CEP41: variants seen among roughly 807,000 people sequenced by gnomAD.
CEP41 encodes centrosomal protein 41.
A neutral mutation model predicts 44.3 loss-of-function variants in CEP41; 32 were observed. That is an observed-to-expected ratio of 0.72 (90% CI 0.54 to 0.97). The LOEUF is 0.97. CEP41 is among the 50% of genes least tolerant of loss of function. The pLI is 0.00. For synonymous variants in CEP41, 151 were observed against 168.5 expected (o/e 0.90, Z 0.80); for missense variants, 432 against 455.2 (o/e 0.95, Z 0.46).
chr7:130,402,940 G>A lies in CEP41; in HGVS notation c.423-141C>T, dbSNP rs1333995748. 4 of 875,262 alleles carry A rather than the reference G, an allele frequency of 4.6e-6. No homozygotes were observed. The African/African-American group carries it at 6.6e-5, about 14-fold the overall frequency. The allele number at this position is 875,262 out of a possible 1,614,324, so 54.2% of individuals were successfully genotyped here. ...AAAGGCAAAGGAAAATGGACGTGGT[G>A]TCTCAGTTCTGCCTCTGAATGCAGG... On this transcript the variant is annotated intron_variant, in intron 6 of 10. Coordinates refer to ENST00000223208, the MANE Select transcript of CEP41 (RefSeq NM_018718.3).
intron 8 of CEP41, chr7:130,401,321 TC>T (rs1796836656): frequency 5.8e-6 from 1 of 172,290 alleles, no homozygotes; most frequent in Admixed American, 5.5e-5. Context: ...GGGAAATACA[TC>T]GGGATATGAA....
At chr7:130,404,295 T>G (rs1313258698) in intron 6 of CEP41, among the ~76,000 whole-genome samples, 1 of 152,066 alleles carries the variant, frequency 6.6e-6, no homozygotes, top group Non-Finnish European at 1.5e-5. Context: ...CATAACAAAC[T>G]TATATGTAGG....
At chr7:130,406,528 G>A (rs1396585322) in intron 5 of CEP41, among the ~76,000 whole-genome samples, 1 of 152,118 alleles carries the variant, frequency 6.6e-6, no homozygotes, top group Non-Finnish European at 1.5e-5. Context: ...AGGTTGCAGT[G>A]AGCTGAGATC....
chr7:130,427,836 C>A lies in CEP41; in HGVS notation c.97+119G>T, dbSNP rs1274051985. On this transcript the variant is annotated intron_variant, in intron 2 of 10. Coordinates refer to ENST00000223208, the MANE Select transcript of CEP41 (RefSeq NM_018718.3). ...AGGATAAATCCTGAGCCGAGAAAGA[C>A]ATCAGGCAAAACAGTGAGAAACTTT... 3 of 687,630 alleles carry A rather than the reference C, an allele frequency of 4.4e-6. No individual in the cohort carries two copies. The East Asian group carries it at 8.1e-5, about 19-fold the overall frequency. The allele number at this position is 687,630 out of a possible 1,614,324, so 42.6% of individuals were successfully genotyped here.
At chr7:130,433,244 G>A (rs781909190) in intron 1 of CEP41, among the ~76,000 whole-genome samples, 1 of 151,956 alleles carries the variant, frequency 6.6e-6, no homozygotes, top group Non-Finnish European at 1.5e-5. Flanking sequence ...GGCGAAGGAG[G>A]AAAGAGGACA....
At chr7:130,407,575 T>C (rs1040572150) in intron 5 of CEP41, among the ~76,000 whole-genome samples, 2 of 152,128 alleles carry the variant, frequency 1.3e-5, no homozygotes, top group African/African-American at 4.8e-5. Flanking sequence ...AATACATCCA[T>C]ATCACAAATC....
chr7:130,408,411 C>A (rs919295498), intron 5 of CEP41, among the ~76,000 whole-genome samples: 32 of 151,982 alleles, frequency 2.1e-4, no homozygotes, highest in Admixed American at 1.2e-3. Context: ...AGATGAACAT[C>A]CTATTAGAAA....
chr7:130,397,471 C>A lies in CEP41; in HGVS notation c.*1420G>T. The A allele has an allele frequency of 4.7e-6, 2 of 421,448 alleles. No individual in the cohort carries two copies. Among genetic ancestry groups the A allele is most frequent in the South Asian group, 3.4e-5 (2 of 58,404 alleles). 26.1% of individuals were successfully genotyped at this position (421,448 alleles called of 1,614,324 possible). ...ATATTTATTACGTTTATTTCTCATA[C>A]AAACACAGCCCCCATGCTAGAAATA... On this transcript the variant is annotated 3_prime_UTR_variant, in exon 11 of 11. Transcript: ENST00000223208.
intron 1 of CEP41, 149 bp downstream of exon 1, chr7:130,440,785 C>A (rs1798128403): frequency 2.5e-5 from 14 of 561,192 alleles, no homozygotes; most frequent in East Asian, 1.1e-4. Flanking sequence ...AAGCCCGGCC[C>A]GCCCCGCCCC....
rs1796745151 is a variant in CEP41, at chr7:130,398,632, G to C, written c.*259C>G. The C allele has an allele frequency of 1.5e-6, 1 of 660,940 alleles. No individual in the cohort carries two copies. Among genetic ancestry groups the C allele is most frequent in the Admixed American group, 2.1e-5 (1 of 48,772 alleles). 40.9% of individuals were successfully genotyped at this position (660,940 alleles called of 1,614,324 possible). On this transcript the variant is annotated 3_prime_UTR_variant, in exon 11 of 11. Transcript: ENST00000223208. ...ACTTTTTTCCTATACAGTTTCACAA[G>C]ACTTAAATATGCTGTAAACAACAGG...
rs1168997749 is a variant in CEP41 at position 130,395,772 on chromosome 7, C to T, written c.*3119G>A. 1 of 453,532 alleles carries T rather than the reference C, an allele frequency of 2.2e-6. No individual in the cohort carries two copies. 28.1% of individuals were successfully genotyped at this position (453,532 alleles called of 1,614,324 possible). ...GAATTTTTGTATAATTTAAATAGCA[C>T]CACAGGAAAAATCCCTGAGCAACTA... On this transcript the variant is annotated 3_prime_UTR_variant, in exon 11 of 11. Coordinates refer to ENST00000223208, the MANE Select transcript of CEP41 (RefSeq NM_018718.3).
chr7:130,414,236 G>C (rs1437312039), intron 3 of CEP41, among the ~76,000 whole-genome samples: 9 of 152,222 alleles, frequency 5.9e-5, no homozygotes, highest in African/African-American at 1.9e-4. Flanking sequence ...AATGCTTAGA[G>C]ATGCTGCTTC....
rs1554413358 is a variant in CEP41 at position 130,393,832 on chromosome 7, TC to T, written c.*5058del. The T allele has an allele frequency of 4.4e-6, 2 of 454,064 alleles. No homozygotes were observed. Among genetic ancestry groups the T allele is most frequent in the East Asian group, 6.9e-5 (1 of 14,390 alleles). 28.1% of individuals were successfully genotyped at this position (454,064 alleles called of 1,614,324 possible). On this transcript the variant is annotated 3_prime_UTR_variant, in exon 11 of 11. Transcript: ENST00000223208. ...CTATCAGGAAAACAGCCTACTTTTT[TC>T]CCCCTACAATATAATTAAAAGTTTG... is the stretch of plus-strand genomic sequence containing the variant.
chr7:130,441,034 C>G (rs1554427608), upstream of CEP41: 1 of 1,554,670 alleles, frequency 6.4e-7, no homozygotes, highest in Admixed American at 1.7e-5. Flanking sequence ...GCTTCCTACC[C>G]CCACAACCTT....
At chr7:130,399,975 A>C in intron 10 of CEP41, 64 bp downstream of exon 10, 3 of 1,091,078 alleles carry the variant, frequency 2.7e-6, no homozygotes, top group Non-Finnish European at 4.3e-6. Flanking sequence ...GAAGGTTTTC[A>C]TATGATGAGG....
rs567981986 is a variant in CEP41, at chr7:130,421,797, G to T, written c.98-4831C>A. On this transcript the variant is annotated intron_variant, in intron 2 of 10. Transcript: ENST00000223208. ...AATGCAGCCAATGAAAGACTGTGGG[G>T]ACTAATAAAGGGAGAGCCCTGTGGT... 106 of 1,274,778 alleles carry T rather than the reference G, an allele frequency of 8.3e-5. No individual in the cohort carries two copies. In the African/African-American group the frequency reaches 1.3e-3, roughly 16 times the overall value. 79.0% of individuals were successfully genotyped at this position (1,274,778 alleles called of 1,614,324 possible).
rs1562971092 is a variant in CEP41, at chr7:130,394,439, A to T, written c.*4452T>A. ...ATTGGCTAGTATTATTATTTTCTGG[A>T]AATCTTCAAGATTTGAAACAAAAGA... On this transcript the variant is annotated 3_prime_UTR_variant, in exon 11 of 11. Transcript: ENST00000223208. The T allele has an allele frequency of 2.2e-6, 1 of 454,092 alleles. No individual in the cohort carries two copies. The highest frequency in any genetic ancestry group is 4.4e-6 in the Non-Finnish European group (1 of 226,792). 28.1% of individuals were successfully genotyped at this position (454,092 alleles called of 1,614,324 possible).
chr7:130,433,240 G>T (rs1390170752), intron 1 of CEP41, among the ~76,000 whole-genome samples: 2 of 152,084 alleles, frequency 1.3e-5, no homozygotes, highest in Non-Finnish European at 2.9e-5. Context: ...GAGAGGCGAA[G>T]GAGGAAAGAG....
At chr7:130,440,789 C>A in intron 1 of CEP41, 145 bp downstream of exon 1, 2 of 625,836 alleles carry the variant, frequency 3.2e-6, no homozygotes, top group South Asian at 3.1e-5. Context: ...CCGGCCCGCC[C>A]CGCCCCTGCA....
Sources: allele counts gnomAD v4.1 joint callset (sites outside exome capture counted in the v4.1 genomes callset), GRCh38; gene constraint gnomAD v4.1.1; transcripts MANE v1.5; gene names NCBI Gene and HGNC (gene_info 2026-07-23, HGNC 2026-07-21).